TNXB: variants seen among roughly 807,000 people sequenced by gnomAD.
TNXB encodes the protein tenascin-X.
Under a neutral mutation model 340.5 loss-of-function variants are expected in TNXB, and 183 were observed. The ratio of observed to expected loss-of-function variants is 0.54; its 90% CI spans 0.48 to 0.61. The LOEUF (loss-of-function observed/expected upper bound fraction) is 0.61, where lower values mean the gene tolerates loss of function less well. Among genes scored for constraint, TNXB ranks in the 20% least tolerant of loss-of-function variants. The pLI is 0.00. For synonymous variants in TNXB, 2,121 were observed against 2,314.5 expected, an observed-to-expected ratio of 0.92 and a Z score of 2.40; for missense variants, 4,613 against 5,446.4, an observed-to-expected ratio of 0.85 and a Z score of 4.82.
chr6:32,072,264 G>C lies in TNXB; in HGVS notation c.4716C>G (p.Ser1572=). Residue 1572 remains serine, a synonymous_variant, in exon 13 of 44, where the codon TCC becomes TCG. Transcript: ENST00000644971. The surrounding 1 kb of genome is among the most constrained non-coding windows in gnomAD (Gnocchi z 4.4). ...CTAGGCGTGGCTCCAGGGGAGGCTT[G>C]GAGGCCTCTGTGGCTGGGGCTGGTG... ...PLPPAPATEA[S]KPPLEPRLGE... is the part of the protein sequence containing the mutation. 1 of 1,606,110 alleles carries C rather than the reference G, an allele frequency of 6.2e-7. No individual in the cohort carries two copies. Among genetic ancestry groups the C allele is most frequent in the Non-Finnish European group, 8.5e-7 (1 of 1,175,854 alleles).
chr6:32,095,682 C>T lies in TNXB; in HGVS notation c.2171G>A (p.Arg724His), dbSNP rs751040353. 30 of 1,614,052 alleles carry T rather than the reference C, an allele frequency of 1.9e-5. No homozygotes were observed. The highest frequency in any genetic ancestry group is 1.7e-4 in the Middle Eastern group (1 of 6,060). ...GCCATCGTGACACTCTCCTCGGCCACGGCAGTCCCCTGGGCATGTCTGGAT... is the reference window on the plus strand; with the variant it reads ...GCCATCGTGACACTCTCCTCGGCCATGGCAGTCCCCTGGGCATGTCTGGAT... ...CAIQTCPGDC[R>H]GRGECHDGSC... is the part of the protein sequence containing the mutation. The change falls in exon 3 of 44, where the codon CGT becomes CAT. Residue 724 changes from arginine (R) to histidine (H), a missense_variant. By Grantham distance (29) the Arg-to-His change is conservative (BLOSUM62 0). Around this residue, in one of 7 missense-constraint regions of TNXB, gnomAD observed 4,327 missense variants for 4,859.4 expected, o/e 0.89. Transcript: ENST00000644971.
At position 32,061,777 on chromosome 6, in the gene TNXB, G is replaced by GT; in HGVS notation, c.7169-58dup. 1 of 1,578,338 alleles carries GT rather than the reference G, an allele frequency of 6.3e-7. No individual in the cohort carries two copies. The highest frequency in any genetic ancestry group is 1.1e-5 in the South Asian group (1 of 87,054). ...GGTCCCTGGGGGATGTGCTTACGTC[G>GT]TGGGGAAAAGGAGGGAGAAGGCTAT... On this transcript the variant is annotated intron_variant, in intron 20 of 43. Transcript: ENST00000644971. This position sits in a 1 kb window ranked among gnomAD's most constrained non-coding sequence, Gnocchi z 4.4.
rs144556766 is a variant in TNXB at position 32,095,735 on chromosome 6, TAC to T, written c.2116_2117del (p.Val706ArgfsTer7). On this transcript the variant is annotated frameshift_variant, in exon 3 of 44. Coordinates refer to ENST00000644971, the MANE Select transcript of TNXB (RefSeq NM_001365276.2). LOFTEE classifies it high-confidence loss of function. The stretch of plus-strand genomic sequence containing the variant: ...CACAGTCAGGGCCTCGGAAGCCCTC[TAC>T]ACACACACACTGGCCTGCCCGGCAC... ...ELCRAGQCVCVEGFRGPDCAI... is the reference protein window; with the variant it reads ...ELCRAGQCVCXEGFRGPDCAI... The T allele has an allele frequency of 6.2e-7, 1 of 1,613,530 alleles. No individual in the cohort carries two copies.
Position 32,069,178 on chromosome 6 carries a change from G to A in TNXB, c.5588-42C>T, listed in dbSNP as rs759112395. Reference sequence around the variant, plus strand: ...GGTAGAGACAGATGGCTGGTGTGTCGCTGCACCCAGACTCTCAGGAGGAGT... The same window carrying A: ...GGTAGAGACAGATGGCTGGTGTGTCACTGCACCCAGACTCTCAGGAGGAGT... On this transcript the variant is annotated intron_variant, in intron 15 of 43. Coordinates refer to ENST00000644971, the MANE Select transcript of TNXB (RefSeq NM_001365276.2). This position sits in a 1 kb window ranked among gnomAD's most constrained non-coding sequence, Gnocchi z 6.2. 17 of 1,550,586 alleles carry A rather than the reference G, an allele frequency of 1.1e-5. No individual in the cohort carries two copies. Among genetic ancestry groups the A allele is most frequent in the African/African-American group, 1.3e-5 (1 of 74,120 alleles).
At position 32,049,619 on chromosome 6, in the gene TNXB, G is replaced by C. The variant is rs1202709526; in HGVS notation, c.9440-32C>G. The stretch of plus-strand genomic sequence containing the variant: ...TGGAGAAGGAGGGAGAGAGAGTGAG[G>C]GGGATGTCCTTGGGTCCTGGGGAAA... On this transcript the variant is annotated intron_variant, in intron 27 of 43. Transcript: ENST00000644971. The surrounding 1 kb of genome is among the most constrained non-coding windows in gnomAD (Gnocchi z 4.5). The C allele has an allele frequency of 1.9e-6, 3 of 1,597,878 alleles. No homozygotes were observed. The highest frequency in any genetic ancestry group is 2.6e-6 in the Non-Finnish European group (3 of 1,169,992).
Position 32,052,411 on chromosome 6 carries a change from A to G in TNXB, c.9115+259T>C, listed in dbSNP as rs1777335048. Among the ~76,000 whole-genome samples, 1 of 151,912 alleles carries G rather than the reference A, an allele frequency of 6.6e-6. No individual in the cohort carries two copies. Among genetic ancestry groups the G allele is most frequent in the Non-Finnish European group, 1.5e-5 (1 of 67,978 alleles). On this transcript the variant is annotated intron_variant, in intron 26 of 43. Coordinates refer to ENST00000644971, the MANE Select transcript of TNXB (RefSeq NM_001365276.2). This position sits in a 1 kb window ranked among gnomAD's most constrained non-coding sequence, Gnocchi z 4.7. ...GGTTCCAGTGAGCCGAGATTGAGCC[A>G]CTGTACTCCAGCCTGGGTGACAAAG... is the stretch of plus-strand genomic sequence containing the variant.
rs1351466267 is a variant in TNXB, at chr6:32,085,746, G to A, written c.3148+4C>T. The A allele has an allele frequency of 6.5e-7, 1 of 1,534,464 alleles. No individual in the cohort carries two copies. The highest frequency in any genetic ancestry group is 1.4e-5 in the African/African-American group (1 of 73,100). On this transcript the variant is annotated splice_donor_region_variant and intron_variant, in intron 7 of 43. Coordinates refer to ENST00000644971, the MANE Select transcript of TNXB (RefSeq NM_001365276.2). The surrounding 1 kb of genome is among the most constrained non-coding windows in gnomAD (Gnocchi z 6.4). ...TATTGATCTGAGCAGAGTCCAAGAT[G>A]TACCCATAATGCCTTGGTAGATGAT...
At chr6:32,105,397 AAGT>A (rs1780929261) in intron 1 of TNXB, among the ~76,000 whole-genome samples, 1 of 152,220 alleles carries the variant, frequency 6.6e-6, no homozygotes, top group African/African-American at 2.4e-5. Flanking sequence ...TTGAAGTCCA[AAGT>A]AATAATAAAT....
In TNXB at chr6:32,061,359, G is replaced by A; in HGVS notation, c.7492+38C>T. 1 of 1,599,186 alleles carries A rather than the reference G, an allele frequency of 6.3e-7. No homozygotes were observed. Among genetic ancestry groups the A allele is most frequent in the Non-Finnish European group, 8.5e-7 (1 of 1,171,188 alleles). On this transcript the variant is annotated intron_variant, in intron 21 of 43. Transcript: ENST00000644971. This position sits in a 1 kb window ranked among gnomAD's most constrained non-coding sequence, Gnocchi z 4.4. ...CAGCAGTAAACCAGGTACCCATGAG[G>A]GAAAGGTGGTTACCCCGAGACTCCA...
In TNXB at chr6:32,088,792, G is replaced by A; in HGVS notation, c.2772C>T (p.Ala924=). ...ACCTCTGGCCAGCCATACCTGTGTT[G>A]GCCCTGACAGAAGCTGGGTAGCTGA... ...RAVSYPASVR[A]NTGSSPLGLL... is the part of the protein sequence containing the mutation. Residue 924 remains alanine (A), a synonymous_variant, in exon 6 of 44, where the codon GCC becomes GCT. Transcript: ENST00000644971. 2 of 1,571,872 alleles carry A rather than the reference G, an allele frequency of 1.3e-6. No individual in the cohort carries two copies. Among genetic ancestry groups the A allele is most frequent in the Non-Finnish European group, 1.7e-6 (2 of 1,159,764 alleles).
At chr6:32,048,980 A>G (rs987208168) in intron 28 of TNXB, among the ~76,000 whole-genome samples, 1 of 152,218 alleles carries the variant, frequency 6.6e-6, no homozygotes, top group African/African-American at 2.4e-5. Flanking sequence ...TTTCTGAGCC[A>G]CTAAAATACT....
rs748535695 is a variant in TNXB, at chr6:32,069,134, C to T, written c.5590G>A (p.Gly1864Ser). 12 of 1,604,726 alleles carry T rather than the reference C, an allele frequency of 7.5e-6. No individual in the cohort carries two copies. Among genetic ancestry groups the T allele is most frequent in the South Asian group, 4.4e-5 (4 of 90,664 alleles). Residue 1864 changes from glycine to serine, a missense_variant and splice_region_variant, in exon 16 of 44, where the codon GGC becomes AGC. Physicochemically the swap from Gly to Ser is moderately conservative, Grantham distance 56. Around this residue, in one of 7 missense-constraint regions of TNXB, gnomAD observed 4,327 missense variants for 4,859.4 expected, o/e 0.89. Transcript: ENST00000644971. The surrounding 1 kb of genome is among the most constrained non-coding windows in gnomAD (Gnocchi z 6.2). ...GTCTCAGTTTCCGTTTCTTCCCTGC[C>T]GGCTGGTTCACAGAGACAGGTAGAG... ...GPISAVAITA[G>S]REETETETTA...
Position 32,062,100 on chromosome 6 carries a change from G to A in TNXB, c.7168+57C>T, listed in dbSNP as rs1018581728. The A allele has an allele frequency of 2.6e-6, 4 of 1,555,062 alleles. No individual in the cohort carries two copies. The highest frequency in any genetic ancestry group is 2.7e-5 in the African/African-American group (2 of 73,692). On this transcript the variant is annotated intron_variant, in intron 20 of 43. Coordinates refer to ENST00000644971, the MANE Select transcript of TNXB (RefSeq NM_001365276.2). The surrounding 1 kb of genome is among the most constrained non-coding windows in gnomAD (Gnocchi z 4.3). ...CCATTCCCCACCAGTCATCACCAAA[G>A]AGCAAGAGGGTGACCCTCCCATGGC... is the stretch of plus-strand genomic sequence containing the variant.
rs1778615749 is a variant in TNXB, at chr6:32,069,459, T to C, written c.5587+94A>G. 2 of 1,384,266 alleles carry C rather than the reference T, an allele frequency of 1.4e-6. No homozygotes were observed. Among genetic ancestry groups the C allele is most frequent in the South Asian group, 1.6e-5 (1 of 63,494 alleles). 85.7% of individuals were successfully genotyped at this position (1,384,266 alleles called of 1,614,324 possible). A position where few individuals can be genotyped will look rare whatever the true frequency, so the allele number is the denominator to read the frequency against. On this transcript the variant is annotated intron_variant, in intron 15 of 43. Transcript: ENST00000644971. The surrounding 1 kb of genome is among the most constrained non-coding windows in gnomAD (Gnocchi z 6.2). ...AAACTTTCTGGATCAATGGAAATGA[T>C]ATAAAATGGGAAGCTCAGAGATCTT...
Position 32,082,261 on chromosome 6 carries a change from T to G in TNXB, c.3511A>C (p.Thr1171Pro). Reference sequence around the variant, plus strand: ...CAGGAGAGGTGCAGTGAATCTGGGGTAGGGTCTGTCACCCACAGGTTTCCC... The same window carrying G: ...CAGGAGAGGTGCAGTGAATCTGGGGGAGGGTCTGTCACCCACAGGTTTCCC... ...HLGNLWVTDP[T>P]PDSLHLSWTV... Residue 1171 changes from threonine (T) to proline (P), a missense_variant, in exon 9 of 44, where the codon ACC becomes CCC. Thr to Pro is a conservative substitution (Grantham distance 38). Transcript: ENST00000644971. The surrounding 1 kb of genome is among the most constrained non-coding windows in gnomAD (Gnocchi z 5.0). 3 of 1,607,176 alleles carry G rather than the reference T, an allele frequency of 1.9e-6. No homozygotes were observed. The highest frequency in any genetic ancestry group is 2.5e-6 in the Non-Finnish European group (3 of 1,177,436).
rs1777334152 is a variant in TNXB, at chr6:32,052,392, A to G, written c.9115+278T>C. Among the ~76,000 whole-genome samples the G allele has an allele frequency of 6.6e-6, 1 of 151,938 alleles. No homozygotes were observed. ...CTTGAACCCAGGAGGCGGAGGTTCCAGTGAGCCGAGATTGAGCCACTGTAC... is the reference window on the plus strand; with the variant it reads ...CTTGAACCCAGGAGGCGGAGGTTCCGGTGAGCCGAGATTGAGCCACTGTAC... On this transcript the variant is annotated intron_variant, in intron 26 of 43. Transcript: ENST00000644971. This position sits in a 1 kb window ranked among gnomAD's most constrained non-coding sequence, Gnocchi z 4.7.
chr6:32,102,876 T>C (rs1328148342), intron 1 of TNXB, among the ~76,000 whole-genome samples: 1 of 152,006 alleles, frequency 6.6e-6, no homozygotes, highest in Admixed American at 6.6e-5. Context: ...ACCAAGATAA[T>C]GCCACTGCAC....
rs1778916771 is a variant in TNXB at position 32,073,805 on chromosome 6, T to C, written c.4523A>G (p.Tyr1508Cys). 1 of 1,612,798 alleles carries C rather than the reference T, an allele frequency of 6.2e-7. No homozygotes were observed. The highest frequency in any genetic ancestry group is 8.5e-7 in the Non-Finnish European group (1 of 1,179,518). The change falls in exon 12 of 44, where the codon TAC (tyrosine) becomes TGC (cysteine). Residue 1508 changes from tyrosine (Y) to cysteine (C), a missense_variant. Physicochemically the swap from Tyr to Cys is radical, Grantham distance 194. Around this residue, in one of 7 missense-constraint regions of TNXB, gnomAD observed 4,327 missense variants for 4,859.4 expected, o/e 0.89. Coordinates refer to ENST00000644971, the MANE Select transcript of TNXB (RefSeq NM_001365276.2). This position sits in a 1 kb window ranked among gnomAD's most constrained non-coding sequence, Gnocchi z 4.6. ...EGQFDSFIVQYKDKDGQPQVV... is the reference protein window; with the variant it reads ...EGQFDSFIVQCKDKDGQPQVV... ...CTGGGGCTGCCCGTCCTTGTCCTTGTACTGGACTATGAAGGAGTCAAACTG... is the reference window on the plus strand; with the variant it reads ...CTGGGGCTGCCCGTCCTTGTCCTTGCACTGGACTATGAAGGAGTCAAACTG...
rs747549013 is a variant in TNXB, at chr6:32,072,098, G to A, written c.4882C>T (p.Arg1628Trp). Reference sequence around the variant, plus strand: ...TCCAGGTCAGGGATAGTGACCTCCCGCTGATCTGCAGCCACGGGCACCACC... The same window carrying A: ...TCCAGGTCAGGGATAGTGACCTCCCACTGATCTGCAGCCACGGGCACCACC... ...PQVVPVAADQREVTIPDLEPS... is the reference protein window; with the variant it reads ...PQVVPVAADQWEVTIPDLEPS... The change falls in exon 13 of 44, where the codon CGG (arginine) becomes TGG (tryptophan). Residue 1628 changes from arginine (R) to tryptophan (W), a missense_variant. This residue lies in a region of TNXB where 4,327 missense variants were observed against 4,859.4 expected (regional missense o/e 0.89). Transcript: ENST00000644971. The surrounding 1 kb of genome is among the most constrained non-coding windows in gnomAD (Gnocchi z 4.4). 14 of 1,612,786 alleles carry A rather than the reference G, an allele frequency of 8.7e-6. No homozygotes were observed. The highest frequency in any genetic ancestry group is 6.7e-5 in the African/African-American group (5 of 74,918).
Sources: allele counts gnomAD v4.1 joint callset (sites outside exome capture counted in the v4.1 genomes callset), GRCh38; gene constraint gnomAD v4.1.1; regional missense constraint gnomAD v4.1.1; non-coding constraint Gnocchi (gnomAD v3.1); transcripts MANE v1.5; gene names NCBI Gene and HGNC (gene_info 2026-07-23, HGNC 2026-07-21).